The following CDH13 variants were observed in gnomAD, a reference collection of about 807,000 sequenced individuals.
The protein encoded by CDH13 is cadherin-13.
A neutral mutation model predicts 63.8 loss-of-function variants in CDH13; 24 were observed. The observed-to-expected ratio is 0.38, with a 90% confidence interval of 0.27 to 0.53. CDH13 has a LOEUF of 0.53. Ranked by LOEUF, CDH13 falls within the 20% of genes least tolerant of loss-of-function variation. CDH13 has a pLI of 0.85. For missense variants in CDH13, 1,049 were observed against 903.1 expected, an observed-to-expected ratio of 1.16 and a Z score of -2.07; for synonymous variants, 503 against 355.3, an observed-to-expected ratio of 1.42 and a Z score of -4.67.
intron 1 of CDH13, chr16:82,646,293 G>A (rs7198007): frequency 0.11 from 17,221 of 152,222 alleles, 1,021 homozygotes; most frequent in African/African-American, 0.14. Flanking sequence ...GAGTTCAAGC[G>A]ATTCTCGTGC....
chr16:83,432,147 G>T (rs980301038), intron 6 of CDH13, among the ~76,000 whole-genome samples: 3 of 152,140 alleles, frequency 2.0e-5, no homozygotes, highest in Admixed American at 6.5e-5. Context: ...GTGGTATATT[G>T]CCAGTTGCAC....
At chr16:83,528,778 C>T (rs1567739544) in intron 7 of CDH13, among the ~76,000 whole-genome samples, 1 of 152,148 alleles carries the variant, frequency 6.6e-6, no homozygotes, top group African/African-American at 2.4e-5. Context: ...ATTCTAATTT[C>T]TAAATCCATG....
At chr16:83,660,499 T>C (rs1427235442) in intron 8 of CDH13, among the ~76,000 whole-genome samples, 1 of 152,140 alleles carries the variant, frequency 6.6e-6, no homozygotes, top group Non-Finnish European at 1.5e-5. Context: ...CAGCCGTAAA[T>C]ACAGATGAAG....
intron 4 of CDH13, among the ~76,000 whole-genome samples, chr16:83,214,107 C>A (rs1281826916): frequency 6.6e-6 from 1 of 152,078 alleles, no homozygotes; most frequent in African/African-American, 2.4e-5. Flanking sequence ...TCCCCTTCCA[C>A]ACCGTGGAAG....
chr16:83,307,330 T>G (rs2089903998), intron 5 of CDH13, among the ~76,000 whole-genome samples: 1 of 152,204 alleles, frequency 6.6e-6, no homozygotes, highest in South Asian at 2.1e-4. Flanking sequence ...TCATTTTTTC[T>G]TAAGCCCTTC....
intron 1 of CDH13, among the ~76,000 whole-genome samples, chr16:82,711,359 T>C (rs1212276518): frequency 6.6e-6 from 1 of 152,164 alleles, no homozygotes; most frequent in Non-Finnish European, 1.5e-5. Flanking sequence ...ACCTGTGTTC[T>C]CCAGAGGTCT....
At chr16:83,281,781 C>T (rs985846215) in intron 5 of CDH13, among the ~76,000 whole-genome samples, 11 of 151,104 alleles carry the variant, frequency 7.3e-5, no homozygotes, top group East Asian at 1.9e-4. Context: ...AGCGTGGTGG[C>T]GCGCACCTGT....
chr16:83,002,500 T>C (rs1442972902), intron 2 of CDH13, among the ~76,000 whole-genome samples: 5 of 152,218 alleles, frequency 3.3e-5, no homozygotes, highest in African/African-American at 4.8e-5. Context: ...ACAAAGCTTA[T>C]AGTTTGTTAT....
At chr16:82,685,528 G>A (rs186409656) in intron 1 of CDH13, among the ~76,000 whole-genome samples, 1 of 152,228 alleles carries the variant, frequency 6.6e-6, no homozygotes, top group Non-Finnish European at 1.5e-5. Context: ...ATGAGATCAG[G>A]TGTAGGTGAT....
chr16:82,956,652 G>A (rs981311971), intron 2 of CDH13, among the ~76,000 whole-genome samples: 1 of 152,150 alleles, frequency 6.6e-6, no homozygotes, highest in South Asian at 2.1e-4. Context: ...TGCCATCTCT[G>A]GTTTTATCTT....
chr16:82,652,706 GTT>G (rs10719140), intron 1 of CDH13, among the ~76,000 whole-genome samples: 319 of 120,990 alleles, frequency 2.6e-3, no homozygotes, highest in African/African-American at 8.9e-3. Context: ...ACCTAGAATT[GTT>G]TTTTTTTTTT....
intron 1 of CDH13, among the ~76,000 whole-genome samples, chr16:82,686,546 C>T (rs1201911637): frequency 6.6e-6 from 1 of 152,200 alleles, no homozygotes; most frequent in Non-Finnish European, 1.5e-5. Context: ...AACAACGAGG[C>T]CAGTCGCTCA....
chr16:83,464,716 A>G (rs914164790), intron 6 of CDH13, among the ~76,000 whole-genome samples: 1 of 152,154 alleles, frequency 6.6e-6, no homozygotes, highest in Non-Finnish European at 1.5e-5. Flanking sequence ...CTAATCCACC[A>G]TAACCTCATT....
At chr16:82,659,336 G>A (rs1911663702) in intron 1 of CDH13, among the ~76,000 whole-genome samples, 1 of 152,140 alleles carries the variant, frequency 6.6e-6, no homozygotes, top group Admixed American at 6.5e-5. Context: ...AATAGGTATA[G>A]GTCATAATCC....
At chr16:82,968,016 G>A (rs1908112818) in intron 2 of CDH13, among the ~76,000 whole-genome samples, 1 of 152,134 alleles carries the variant, frequency 6.6e-6, no homozygotes, top group Non-Finnish European at 1.5e-5. Flanking sequence ...GTTACCAAAT[G>A]GCGATTCTCT....
intron 3 of CDH13, among the ~76,000 whole-genome samples, chr16:83,109,909 G>T (rs190539794): frequency 6.6e-6 from 1 of 152,296 alleles, no homozygotes; most frequent in East Asian, 1.9e-4. Context: ...AGCAAGTCTT[G>T]ATTTGTGTTG....
chr16:83,536,766 G>A (rs1160595143), intron 7 of CDH13, among the ~76,000 whole-genome samples: 1 of 152,184 alleles, frequency 6.6e-6, no homozygotes, highest in Admixed American at 6.5e-5. Context: ...CAGCAATTAG[G>A]TGGTAGAGAT....
At chr16:83,714,745 A>C (rs1463337538) in intron 10 of CDH13, among the ~76,000 whole-genome samples, 1 of 152,142 alleles carries the variant, frequency 6.6e-6, no homozygotes, top group African/African-American at 2.4e-5. Flanking sequence ...TTTGTTTTAC[A>C]TTTAGTAGCT....
rs148823245 is a variant in CDH13, at chr16:83,060,954, C to T, written c.366+28736C>T. ...CATGCCTCTGTCAACCAGGCTCTTC[C>T]CCTCAATGGCTAATGACTCTCACTC... On this transcript the variant is annotated intron_variant, in intron 3 of 13. Coordinates refer to ENST00000567109, the MANE Select transcript of CDH13 (RefSeq NM_001257.5). Among the ~76,000 whole-genome samples, 378 of 152,274 alleles carry T rather than the reference C, an allele frequency of 2.5e-3. 2 individuals carry two copies. The highest frequency in any genetic ancestry group is 4.5e-3 in the Non-Finnish European group (306 of 68,028).
Sources: gnomAD v4.1 joint callset for allele counts (sites outside exome capture counted in the v4.1 genomes callset) on GRCh38, gnomAD v4.1.1 for gene constraint, MANE v1.5 for transcripts, NCBI Gene and HGNC (gene_info 2026-07-23, HGNC 2026-07-21) for gene names.